Variants in NDUFS4 observed in about 807,000 individuals in gnomAD.
NDUFS4 encodes the protein NADH dehydrogenase [ubiquinone] iron-sulfur protein 4, mitochondrial.
NDUFS4 carries 28 observed loss-of-function variants against 24.3 expected under a neutral mutation model. The observed-to-expected ratio is 1.15, with a 90% confidence interval of 0.85 to 1.58. The LOEUF (loss-of-function observed/expected upper bound fraction) is 1.58. Ranked by LOEUF, NDUFS4 falls within the 40% of genes most tolerant of loss-of-function variation. NDUFS4 has a pLI of 0.00. For missense variants in NDUFS4, 223 were observed against 207.9 expected, an observed-to-expected ratio of 1.07 and a Z score of -0.45; for synonymous variants, 93 against 69.7, an observed-to-expected ratio of 1.34 and a Z score of -1.67.
chr5:53,586,507 AG>A (rs1749759536), intron 1 of NDUFS4, among the ~76,000 whole-genome samples: 1 of 150,292 alleles, frequency 6.7e-6, no homozygotes, highest in African/African-American at 2.5e-5. Context: ...TTAGTTAGTT[AG>A]TTAGTTTGTT....
chr5:53,597,441 G>A (rs1750165140), intron 1 of NDUFS4, among the ~76,000 whole-genome samples: 1 of 152,100 alleles, frequency 6.6e-6, no homozygotes, highest in Admixed American at 6.6e-5. Flanking sequence ...TGGAGTCACA[G>A]TTTCAAACTG....
intron 2 of NDUFS4, among the ~76,000 whole-genome samples, chr5:53,638,111 A>T (rs923688545): frequency 5.9e-5 from 9 of 152,128 alleles, no homozygotes; most frequent in African/African-American, 2.2e-4. Context: ...TTACACCAGA[A>T]CATATCAGAA....
intron 3 of NDUFS4, among the ~76,000 whole-genome samples, chr5:53,651,615 AAG>A (rs1330884048): frequency 6.6e-6 from 1 of 151,980 alleles, no homozygotes; most frequent in Non-Finnish European, 1.5e-5. Flanking sequence ...TAATGGAGCA[AAG>A]AGAATGTTAA....
chr5:53,582,160 G>A (rs1425025417), intron 1 of NDUFS4, among the ~76,000 whole-genome samples: 5 of 151,724 alleles, frequency 3.3e-5, no homozygotes, highest in African/African-American at 1.2e-4. Flanking sequence ...GCAGTGAGCC[G>A]AGATCGCGCC....
intron 1 of NDUFS4, among the ~76,000 whole-genome samples, chr5:53,563,236 CAAAAAAA>C (rs906204561): frequency 9.5e-6 from 1 of 105,050 alleles, no homozygotes; most frequent in Non-Finnish European, 1.9e-5. Context: ...CTCAAAAAAA[CAAAAAAA>C]AAAAAAAAAA....
At chr5:53,651,338 A>G (rs933567969) in intron 3 of NDUFS4, among the ~76,000 whole-genome samples, 1 of 151,896 alleles carries the variant, frequency 6.6e-6, no homozygotes, top group African/African-American at 2.4e-5. Context: ...AATATTTTAA[A>G]TCTTTTTCTA....
At chr5:53,582,971 G>A (rs532646506) in intron 1 of NDUFS4, among the ~76,000 whole-genome samples, 41 of 152,072 alleles carry the variant, frequency 2.7e-4, no homozygotes, top group African/African-American at 9.4e-4. Flanking sequence ...GCACGATCTC[G>A]GCTCACTGCA....
intron 3 of NDUFS4, among the ~76,000 whole-genome samples, chr5:53,655,462 A>G (rs1373054230): frequency 6.9e-6 from 1 of 145,048 alleles, no homozygotes; most frequent in Admixed American, 7.0e-5. Context: ...CATCCATTCC[A>G]TGCTATTTAT....
intron 1 of NDUFS4, among the ~76,000 whole-genome samples, chr5:53,571,701 C>T (rs1749215627): frequency 6.6e-6 from 1 of 152,106 alleles, no homozygotes; most frequent in African/African-American, 2.4e-5. Flanking sequence ...TATTATCTAT[C>T]TTTTTGAAGT....
intron 3 of NDUFS4, among the ~76,000 whole-genome samples, chr5:53,655,481 A>C (rs1203290107): frequency 7.4e-6 from 1 of 134,834 alleles, no homozygotes; most frequent in Non-Finnish European, 1.6e-5. Flanking sequence ...ATTGATGGTT[A>C]TTTGTGTAAA....
At chr5:53,640,714 C>G (rs893315601) in intron 2 of NDUFS4, among the ~76,000 whole-genome samples, 1 of 152,096 alleles carries the variant, frequency 6.6e-6, no homozygotes, top group African/African-American at 2.4e-5. Flanking sequence ...CAAAAACCTC[C>G]CGTTAGGCCC....
intron 1 of NDUFS4, among the ~76,000 whole-genome samples, chr5:53,573,156 T>C (rs1749270995): frequency 6.6e-6 from 1 of 151,420 alleles, no homozygotes; most frequent in South Asian, 2.1e-4. Flanking sequence ...ATTTTTTTTG[T>C]AGACATGGGT....
intron 2 of NDUFS4, among the ~76,000 whole-genome samples, chr5:53,621,958 C>T (rs1005366848): frequency 6.6e-6 from 1 of 152,016 alleles, no homozygotes. Flanking sequence ...TCTCGGCCTC[C>T]CAAAGTGCTG....
At chr5:53,602,996 T>G (rs1483149257) in intron 1 of NDUFS4, among the ~76,000 whole-genome samples, 1 of 152,228 alleles carries the variant, frequency 6.6e-6, no homozygotes, top group Non-Finnish European at 1.5e-5. Context: ...ATCATTCCTA[T>G]GTAAAATACT....
chr5:53,651,236 G>C (rs557337040), intron 3 of NDUFS4, among the ~76,000 whole-genome samples: 1 of 151,844 alleles, frequency 6.6e-6, no homozygotes, highest in Admixed American at 6.6e-5. Context: ...TTAGAACAGA[G>C]AATTGCTACT....
intron 2 of NDUFS4, among the ~76,000 whole-genome samples, chr5:53,623,016 ATCCT>A (rs1751100599): frequency 6.6e-6 from 1 of 152,162 alleles, no homozygotes; most frequent in South Asian, 2.1e-4. Context: ...TTGTTTATCC[ATCCT>A]TCTGTCGTCG....
intron 4 of NDUFS4, among the ~76,000 whole-genome samples, chr5:53,661,951 AT>A (rs70983370): frequency 0.26 from 39,043 of 151,946 alleles, 6,685 homozygotes; most frequent in African/African-American, 0.48. Flanking sequence ...AACAGGGACA[AT>A]TTGACTTCCT....
At chr5:53,670,426 C>T (rs995445220) in intron 4 of NDUFS4, among the ~76,000 whole-genome samples, 5 of 149,670 alleles carry the variant, frequency 3.3e-5, no homozygotes, top group Non-Finnish European at 7.5e-5. Flanking sequence ...ATTTCAAAGA[C>T]TTAGTATGAA....
chr5:53,564,071 G>C, intron 1 of NDUFS4, among the ~76,000 whole-genome samples: 1 of 152,156 alleles, frequency 6.6e-6, no homozygotes, highest in East Asian at 1.9e-4. Context: ...TTTAATTAAT[G>C]ACTGGTGGGG....
Sources: allele counts gnomAD v4.1 joint callset (sites outside exome capture counted in the v4.1 genomes callset), GRCh38; gene constraint gnomAD v4.1.1; transcripts MANE v1.5; gene names NCBI Gene and HGNC (gene_info 2026-07-23, HGNC 2026-07-21).